Variants in KIF21B observed in about 807,000 individuals in gnomAD.
KIF21B encodes kinesin-like protein KIF21B.
In KIF21B, 85 loss-of-function variants were observed where a neutral mutation model predicts 192.9. The ratio of observed to expected loss-of-function variants is 0.44; its 90% confidence interval spans 0.37 to 0.53. The LOEUF (loss-of-function observed/expected upper bound fraction) is 0.53, where lower values mean the gene tolerates loss of function less well. Ranked by LOEUF, KIF21B falls within the 20% of genes least tolerant of loss-of-function variation. KIF21B has a pLI of 0.00. For synonymous variants in KIF21B, 832 were observed against 884.6 expected, an observed-to-expected ratio of 0.94 and a Z score of 1.05; for missense variants, 1,716 against 2,194.8, an observed-to-expected ratio of 0.78 and a Z score of 4.36.
chr1:200,992,050 T>C (rs1359949590), intron 16 of KIF21B, among the ~76,000 whole-genome samples: 5 of 152,238 alleles, frequency 3.3e-5, no homozygotes, highest in African/African-American at 1.2e-4. Flanking sequence ...CTTGGGCAAG[T>C]TCCTTCCCCT....
chr1:200,991,562 A>G (rs778833131), intron 17 of KIF21B, 95 bp downstream of exon 17: 30 of 1,261,726 alleles, frequency 2.4e-5, no homozygotes, highest in Non-Finnish European at 3.3e-5. Flanking sequence ...ACCGCCAGGA[A>G]GTTGGAGGCC....
At chr1:200,984,479 TG>T (rs1466211215) in intron 27 of KIF21B, among the ~76,000 whole-genome samples, 2 of 151,552 alleles carry the variant, frequency 1.3e-5, no homozygotes, top group African/African-American at 4.9e-5. Context: ...GCACAGAGAG[TG>T]GAGTGGTTGA....
rs1655256889 is a variant in KIF21B, at chr1:200,972,292, T to A, written c.*1229A>T. ...TAAGGCCGAAAATGTGTCTCCTGAA[T>A]AACCAGAGAGAGAGAAGCTGGAGAG... On this transcript the variant is annotated 3_prime_UTR_variant, in exon 35 of 35. Coordinates refer to ENST00000461742, the MANE Select transcript of KIF21B (RefSeq NM_001252102.2). 1 of 152,054 alleles carries A rather than the reference T, an allele frequency of 6.6e-6. No individual in the cohort carries two copies. Among genetic ancestry groups the A allele is most frequent in the Non-Finnish European group, 1.5e-5 (1 of 67,982 alleles). 9.4% of individuals were successfully genotyped at this position (152,054 alleles called of 1,614,324 possible).
chr1:201,011,172 C>A (rs1444618655), intron 1 of KIF21B, among the ~76,000 whole-genome samples: 2 of 152,242 alleles, frequency 1.3e-5, no homozygotes, highest in Non-Finnish European at 2.9e-5. Context: ...TCTTGCTCAT[C>A]CTTCTGGACC....
chr1:201,015,430 A>G (rs1042550868), intron 1 of KIF21B, among the ~76,000 whole-genome samples: 32 of 152,248 alleles, frequency 2.1e-4, no homozygotes, highest in African/African-American at 7.7e-4. Flanking sequence ...CTTTTCTGCT[A>G]TAAGACCCCT....
chr1:200,973,649 G>C, intron 34 of KIF21B, 71 bp from the exon 35 acceptor site: 2 of 1,516,340 alleles, frequency 1.3e-6, no homozygotes, highest in East Asian at 2.5e-5. Context: ...GCCCCCAAAA[G>C]TAGAGGATGA....
At chr1:201,018,014 T>C (rs1658601315) in intron 1 of KIF21B, among the ~76,000 whole-genome samples, 1 of 152,096 alleles carries the variant, frequency 6.6e-6, no homozygotes, top group African/African-American at 2.4e-5. Context: ...GCTTCCCTCA[T>C]GGCAGGGAAG....
chr1:200,979,584 T>C lies in KIF21B; in HGVS notation c.4111A>G (p.Ile1371Val), dbSNP rs756531232. 6.3e-7 allele frequency: 1 copy of C among 1,591,488 alleles called. No individual in the cohort carries two copies. The highest frequency in any genetic ancestry group is 8.6e-7 in the Non-Finnish European group (1 of 1,169,242). ...GLVFSVSTSY[I>V]KVWDIRDSAK... ...GAGTCCCGGATGTCCCACACCTTGA[T>C]GTAGGAGGTGGACACGGAGAACACA... is the stretch of plus-strand genomic sequence containing the variant. Residue 1371 changes from isoleucine (I) to valine (V), a missense_variant, in exon 30 of 35, where the codon ATC becomes GTC. This residue lies in a region of KIF21B where 580 missense variants were observed against 775.5 expected (regional missense o/e 0.75). Transcript: ENST00000461742.
chr1:200,979,443 G>A (rs1655770533), intron 30 of KIF21B, 92 bp downstream of exon 30: 1 of 975,162 alleles, frequency 1.0e-6, no homozygotes, highest in South Asian at 2.0e-5. Context: ...GCCGGGCTGT[G>A]CTGTGCTGAG....
rs764649455 is a variant in KIF21B, at chr1:200,996,201, C to T, written c.2272G>A (p.Ala758Thr). The T allele has an allele frequency of 1.2e-6, 2 of 1,613,008 alleles. No individual in the cohort carries two copies. The highest frequency in any genetic ancestry group is 1.7e-6 in the Non-Finnish European group (2 of 1,180,026). Residue 758 changes from alanine to threonine, a missense_variant, in exon 15 of 35, where the codon GCC (alanine) becomes ACC (threonine). Coordinates refer to ENST00000461742, the MANE Select transcript of KIF21B (RefSeq NM_001252102.2). The stretch of plus-strand genomic sequence containing the variant: ...CTCACACCCTCGGCCCCTACCTTGG[C>T]CTTCTTCATCTCAGCCACCTCGGCC... ...LQAEVAEMKK[A>T]KVALMKQMRE...
At chr1:201,009,169 G>T in intron 2 of KIF21B, 97 bp downstream of exon 2, 3 of 1,273,048 alleles carry the variant, frequency 2.4e-6, no homozygotes, top group South Asian at 1.4e-5. Flanking sequence ...AAACCCTGAG[G>T]CTATGTTTCA....
Position 200,977,388 on chromosome 1 carries a change from A to G in KIF21B, c.4161-12T>C. The G allele has an allele frequency of 6.2e-7, 1 of 1,612,730 alleles. No homozygotes were observed. Among genetic ancestry groups the G allele is most frequent in the Non-Finnish European group, 8.5e-7 (1 of 1,178,888 alleles). On this transcript the variant is annotated splice_polypyrimidine_tract_variant and intron_variant, in intron 30 of 34. Coordinates refer to ENST00000461742, the MANE Select transcript of KIF21B (RefSeq NM_001252102.2). Reference sequence around the variant, plus strand: ...CCTGGCCCGAGGACCTGCCCATCGGAGAAAGGCAAGGCCAGAGGTCAAAAC... The same window carrying G: ...CCTGGCCCGAGGACCTGCCCATCGGGGAAAGGCAAGGCCAGAGGTCAAAAC...
In KIF21B at chr1:200,973,394, G is replaced by T; in HGVS notation, c.*127C>A. ...GGGAAGGCCAAGGGAGAGGGAGGAG[G>T]GCAGGAGAGGGGGCCACGCCCTCTG... is the stretch of plus-strand genomic sequence containing the variant. On this transcript the variant is annotated 3_prime_UTR_variant, in exon 35 of 35. Coordinates refer to ENST00000461742, the MANE Select transcript of KIF21B (RefSeq NM_001252102.2). The T allele has an allele frequency of 1.7e-6, 2 of 1,191,828 alleles. No individual in the cohort carries two copies. Among genetic ancestry groups the T allele is most frequent in the Non-Finnish European group, 2.2e-6 (2 of 911,250 alleles). The allele number at this position is 1,191,828 out of a possible 1,614,324, so 73.8% of individuals were successfully genotyped here.
At chr1:200,983,124 G>T in intron 27 of KIF21B, 30 bp from the exon 28 acceptor site, 1 of 1,532,330 alleles carries the variant, frequency 6.5e-7, no homozygotes, top group Non-Finnish European at 8.7e-7. Context: ...AGCTGGATTA[G>T]GGGGTGAGAG....
rs749063098 is a variant in KIF21B at position 200,977,371 on chromosome 1, G to A, written c.4166C>T (p.Ser1389Leu). The A allele has an allele frequency of 1.9e-5, 31 of 1,613,736 alleles. No individual in the cohort carries two copies. The highest frequency in any genetic ancestry group is 1.1e-4 in the East Asian group (5 of 44,882). Residue 1389 changes from serine (S) to leucine (L), a missense_variant, in exon 31 of 35, where the codon TCG (serine) becomes TTG (leucine). Coordinates refer to ENST00000461742, the MANE Select transcript of KIF21B (RefSeq NM_001252102.2). Reference sequence around the variant, plus strand: ...GGCATCCCCTGAGATCACCTGGCCCGAGGACCTGCCCATCGGAGAAAGGCA... The same window carrying A: ...GGCATCCCCTGAGATCACCTGGCCCAAGGACCTGCCCATCGGAGAAAGGCA... ...SAKCIRTLTS[S>L]GQVISGDACA...
chr1:201,014,636 G>A (rs1198140191), intron 1 of KIF21B, among the ~76,000 whole-genome samples: 1 of 152,198 alleles, frequency 6.6e-6, no homozygotes, highest in Admixed American at 6.5e-5. Flanking sequence ...CCACCAATCA[G>A]CCCTCCCAGG....
At chr1:201,008,728 C>T (rs990781564) in intron 3 of KIF21B, 41 bp downstream of exon 3, 1 of 1,535,918 alleles carries the variant, frequency 6.5e-7, no homozygotes, top group Admixed American at 1.9e-5. Context: ...TCCTGTTGTC[C>T]ACCAAGCCTC....
chr1:200,974,969 GC>G, intron 33 of KIF21B, 56 bp from the exon 34 acceptor site: 4 of 1,540,094 alleles, frequency 2.6e-6, no homozygotes, highest in South Asian at 2.3e-5. Flanking sequence ...GAGAGAACCT[GC>G]CCCAGGGCCC....
rs1177892986 is a variant in KIF21B at position 200,998,649 on chromosome 1, G to A, written c.1886-74C>T. The A allele has an allele frequency of 4.3e-6, 6 of 1,398,902 alleles. No individual in the cohort carries two copies. The highest frequency in any genetic ancestry group is 6.0e-6 in the Non-Finnish European group (6 of 1,007,572). 86.7% of individuals were successfully genotyped at this position (1,398,902 alleles called of 1,614,324 possible). ...TTGGGGAGCAGATGTGCCAGTGCTGGGGAGCTGGGACCCTCCTTTGGTCAG... is the reference window on the plus strand; with the variant it reads ...TTGGGGAGCAGATGTGCCAGTGCTGAGGAGCTGGGACCCTCCTTTGGTCAG... On this transcript the variant is annotated intron_variant, in intron 13 of 34. Coordinates refer to ENST00000461742, the MANE Select transcript of KIF21B (RefSeq NM_001252102.2). This position sits in a 1 kb window ranked among gnomAD's most constrained non-coding sequence, Gnocchi z 4.3.
Sources: allele counts gnomAD v4.1 joint callset (sites outside exome capture counted in the v4.1 genomes callset), GRCh38; gene constraint gnomAD v4.1.1; regional missense constraint gnomAD v4.1.1; non-coding constraint Gnocchi (gnomAD v3.1); transcripts MANE v1.5; gene names NCBI Gene and HGNC (gene_info 2026-07-23, HGNC 2026-07-21).